Variants in WNT3A observed in about 807,000 individuals in gnomAD.
WNT3A encodes the protein protein Wnt-3a.
In WNT3A, 17 loss-of-function variants were observed where a neutral mutation model predicts 37.0. That is an observed-to-expected ratio of 0.46 (90% CI 0.31 to 0.69). The LOEUF is 0.69. WNT3A is among the 30% of genes least tolerant of loss of function. The probability of loss-of-function intolerance (pLI) is 0.05; values close to 1 mark genes in which losing one functional copy is unlikely to be tolerated. For synonymous variants in WNT3A, 187 were observed against 211.0 expected (o/e 0.89, Z 0.99); for missense variants, 411 against 510.2 (o/e 0.81, Z 1.87).
intron 1 of WNT3A, among the ~76,000 whole-genome samples, chr1:228,010,953 C>G (rs1052584664): frequency 6.6e-6 from 1 of 152,216 alleles, no homozygotes; most frequent in Non-Finnish European, 1.5e-5. Flanking sequence ...AAGAGCTCAG[C>G]CCCTCCTCCT....
rs755136054 is a variant in WNT3A, at chr1:228,050,224, TG to T, written c.314-428del. Among the ~76,000 whole-genome samples, 5 of 152,256 alleles carry T rather than the reference TG, an allele frequency of 3.3e-5. No individual in the cohort carries two copies. The highest frequency in any genetic ancestry group is 4.1e-4 in the South Asian group (2 of 4,820). On this transcript the variant is annotated intron_variant, in intron 2 of 3. Coordinates refer to ENST00000284523, the MANE Select transcript of WNT3A (RefSeq NM_033131.4). This position sits in a 1 kb window ranked among gnomAD's most constrained non-coding sequence, Gnocchi z 5.0. Reference sequence around the variant, plus strand: ...TTAATATTTTTAGTTTTTGTAGAGATGGGGTCTTGCTATGTTGAAAAGGCTG... The same window carrying T: ...TTAATATTTTTAGTTTTTGTAGAGATGGGTCTTGCTATGTTGAAAAGGCTG...
rs1219061838 is a variant in WNT3A at position 228,007,156 on chromosome 1, C to T, written c.28C>T (p.Leu10Phe). ...GGCCCCACTCGGATACTTCTTACTCCTCTGCAGCCTGAAGCAGGCTCTGGG... is the reference window on the plus strand; with the variant it reads ...GGCCCCACTCGGATACTTCTTACTCTTCTGCAGCCTGAAGCAGGCTCTGGG... Reference protein sequence around the residue: MAPLGYFLLLCSLKQALGSY... With the variant: MAPLGYFLLFCSLKQALGSY... Residue 10 changes from leucine (L) to phenylalanine (F), a missense_variant, in exon 1 of 4, where the codon CTC (leucine) becomes TTC (phenylalanine). Leu to Phe is a conservative substitution (Grantham distance 22). Coordinates refer to ENST00000284523, the MANE Select transcript of WNT3A (RefSeq NM_033131.4). This position sits in a 1 kb window ranked among gnomAD's most constrained non-coding sequence, Gnocchi z 6.0. 1.2e-6 allele frequency: 2 copies of T among 1,603,672 alleles called. No individual in the cohort carries two copies. Among genetic ancestry groups the T allele is most frequent in the Non-Finnish European group, 1.7e-6 (2 of 1,175,364 alleles).
At chr1:228,027,777 A>G (rs1369026315) in intron 2 of WNT3A, among the ~76,000 whole-genome samples, 1 of 152,120 alleles carries the variant, frequency 6.6e-6, no homozygotes, top group Non-Finnish European at 1.5e-5. Flanking sequence ...TTTTAATTCA[A>G]TTAGGTCCCA....
chr1:228,022,475 C>T (rs59553717), intron 1 of WNT3A, among the ~76,000 whole-genome samples, 192 bp from the exon 2 acceptor site: 5,792 of 152,324 alleles, frequency 0.038, 339 homozygotes, highest in African/African-American at 0.12. Context: ...TTAGAGGCCA[C>T]AGAGAATCCT....
intron 1 of WNT3A, among the ~76,000 whole-genome samples, chr1:228,009,033 G>A (rs985497671): frequency 3.9e-5 from 6 of 152,152 alleles, no homozygotes; most frequent in Admixed American, 6.5e-5. Context: ...GTCCAGGACA[G>A]CCCTTTGGCC....
Position 228,022,890 on chromosome 1 carries a change from G to C in WNT3A, c.295G>C (p.Gly99Arg). Residue 99 changes from glycine to arginine, a missense_variant, in exon 2 of 4, where the codon GGG (glycine) becomes CGG (arginine). By Grantham distance (125) the Gly-to-Arg change is moderately radical. Coordinates refer to ENST00000284523, the MANE Select transcript of WNT3A (RefSeq NM_033131.4). ...TTVHDSLAIF[G>R]PVLDKATRES... is the part of the protein sequence containing the mutation. ...CGTCCACGACAGCCTGGCCATCTTCGGGCCCGTGCTGGACAAAGGTATGGG... is the reference window on the plus strand; with the variant it reads ...CGTCCACGACAGCCTGGCCATCTTCCGGCCCGTGCTGGACAAAGGTATGGG... The C allele has an allele frequency of 1.9e-6, 3 of 1,610,858 alleles. No individual in the cohort carries two copies. Among genetic ancestry groups the C allele is most frequent in the Non-Finnish European group, 1.7e-6 (2 of 1,177,704 alleles).
At chr1:228,017,189 G>A (rs891886684) in intron 1 of WNT3A, among the ~76,000 whole-genome samples, 1 of 152,196 alleles carries the variant, frequency 6.6e-6, no homozygotes, top group African/African-American at 2.4e-5. Flanking sequence ...ACCTATCCAG[G>A]TCCTGTGGGT....
At position 228,034,823 on chromosome 1, in the gene WNT3A, C is replaced by T. The variant is rs2031096355; in HGVS notation, c.313+11915C>T. Among the ~76,000 whole-genome samples the T allele has an allele frequency of 2.0e-5, 3 of 152,216 alleles. No homozygotes were observed. The South Asian group carries it at 6.2e-4, about 32-fold the overall frequency. ...TTAAAGGTGCCTGATTTTCACAAGT[C>T]CCAGTCATTATCAATGGCTCCCACT... On this transcript the variant is annotated intron_variant, in intron 2 of 3. Transcript: ENST00000284523.
At chr1:228,025,197 C>T (rs558073805) in intron 2 of WNT3A, among the ~76,000 whole-genome samples, 1 of 150,108 alleles carries the variant, frequency 6.7e-6, no homozygotes, top group Admixed American at 6.6e-5. Flanking sequence ...TCCATTTGTG[C>T]AAAAAAAAAT....
In WNT3A at chr1:228,007,104, G is replaced by A. The variant is rs2030216736; in HGVS notation, c.-25G>A. 5 of 1,547,060 alleles carry A rather than the reference G, an allele frequency of 3.2e-6. No homozygotes were observed. Among genetic ancestry groups the A allele is most frequent in the Non-Finnish European group, 4.4e-6 (5 of 1,148,784 alleles). On this transcript the variant is annotated 5_prime_UTR_variant, in exon 1 of 4. Transcript: ENST00000284523. This position sits in a 1 kb window ranked among gnomAD's most constrained non-coding sequence, Gnocchi z 6.0. Reference sequence around the variant, plus strand: ...CTCACGCTCTCGGGGCGGACTCCCGGCCCTCCGCGCCCTCTCGCGCGGCGA... The same window carrying A: ...CTCACGCTCTCGGGGCGGACTCCCGACCCTCCGCGCCCTCTCGCGCGGCGA...
At chr1:228,012,028 T>G (rs1571790754) in intron 1 of WNT3A, among the ~76,000 whole-genome samples, 1 of 152,264 alleles carries the variant, frequency 6.6e-6, no homozygotes, top group East Asian at 1.9e-4. Flanking sequence ...GCTGCCCCTC[T>G]GACTCACGGG....
In WNT3A at chr1:228,046,792, G is replaced by A. The variant is rs190038121; in HGVS notation, c.314-3864G>A. ...GGTGTGCATGTGTGTGCATGCGTGTGATGTGTGCATGTGTGTGGTGTGCAT... is the reference window on the plus strand; with the variant it reads ...GGTGTGCATGTGTGTGCATGCGTGTAATGTGTGCATGTGTGTGGTGTGCAT... On this transcript the variant is annotated intron_variant, in intron 2 of 3. Transcript: ENST00000284523. Among the ~76,000 whole-genome samples the A allele has an allele frequency of 5.4e-5, 8 of 148,986 alleles. No individual in the cohort carries two copies. In the East Asian group the frequency reaches 1.4e-3, roughly 26 times the overall value.
In WNT3A at chr1:228,039,032, C is replaced by A. The variant is rs1371841428; in HGVS notation, c.314-11624C>A. Among the ~76,000 whole-genome samples, 1 of 152,128 alleles carries A rather than the reference C, an allele frequency of 6.6e-6. No homozygotes were observed. Among genetic ancestry groups the A allele is most frequent in the Admixed American group, 6.5e-5 (1 of 15,276 alleles). On this transcript the variant is annotated intron_variant, in intron 2 of 3. Coordinates refer to ENST00000284523, the MANE Select transcript of WNT3A (RefSeq NM_033131.4). The surrounding 1 kb of genome is among the most constrained non-coding windows in gnomAD (Gnocchi z 4.1). Reference sequence around the variant, plus strand: ...GTTGGGAGTCTGGGCCCCCAGCACCCGGCTGGACTGGCCACCATGGAGTCC... The same window carrying A: ...GTTGGGAGTCTGGGCCCCCAGCACCAGGCTGGACTGGCCACCATGGAGTCC...
chr1:228,051,600 C>T (rs73092904), intron 3 of WNT3A, among the ~76,000 whole-genome samples: 24,547 of 152,118 alleles, frequency 0.16, 2,469 homozygotes, highest in East Asian at 0.21. Flanking sequence ...GGGCCTGCTC[C>T]TCATGGATGA....
intron 3 of WNT3A, 86 bp downstream of exon 3, chr1:228,051,007 G>A (rs760751110): frequency 1.1e-4 from 151 of 1,421,120 alleles, no homozygotes; most frequent in Non-Finnish European, 1.3e-4. Flanking sequence ...CATATGGCCC[G>A]GTGAGGCAGG....
At chr1:228,040,736 A>T (rs1011973668) in intron 2 of WNT3A, among the ~76,000 whole-genome samples, 1 of 151,748 alleles carries the variant, frequency 6.6e-6, no homozygotes, top group Non-Finnish European at 1.5e-5. Flanking sequence ...ACAAAAAAAA[A>T]TTACCTGGGC....
chr1:228,053,932 T>C (rs924536322), intron 3 of WNT3A, among the ~76,000 whole-genome samples: 3 of 152,188 alleles, frequency 2.0e-5, no homozygotes, highest in African/African-American at 7.2e-5. Context: ...TAACTGACCA[T>C]CTAGTGAGGA....
At position 228,060,447 on chromosome 1, in the gene WNT3A, T is replaced by G; in HGVS notation, c.*982T>G. 1 of 523,342 alleles carries G rather than the reference T, an allele frequency of 1.9e-6. No individual in the cohort carries two copies. Among genetic ancestry groups the G allele is most frequent in the Non-Finnish European group, 3.0e-6 (1 of 328,846 alleles). The allele number at this position is 523,342 out of a possible 1,614,324, so 32.4% of individuals were successfully genotyped here. A position where few individuals can be genotyped will look rare whatever the true frequency, so the allele number is the denominator to read the frequency against. ...TGACCACCCACCTGACCAGGGGCCCTACCTGGGGAAAGCCTGAAGGGCCTC... is the reference window on the plus strand; with the variant it reads ...TGACCACCCACCTGACCAGGGGCCCGACCTGGGGAAAGCCTGAAGGGCCTC... On this transcript the variant is annotated 3_prime_UTR_variant, in exon 4 of 4. Coordinates refer to ENST00000284523, the MANE Select transcript of WNT3A (RefSeq NM_033131.4).
At chr1:228,016,193 C>G (rs548224130) in intron 1 of WNT3A, among the ~76,000 whole-genome samples, 1 of 152,238 alleles carries the variant, frequency 6.6e-6, no homozygotes, top group East Asian at 1.9e-4. Flanking sequence ...CCCAAGGGAG[C>G]CCCCAAGGAC....
Sources: gnomAD v4.1 joint callset for allele counts (sites outside exome capture counted in the v4.1 genomes callset) on GRCh38, gnomAD v4.1.1 for gene constraint, Gnocchi (gnomAD v3.1) non-coding constraint, MANE v1.5 for transcripts, NCBI Gene and HGNC (gene_info 2026-07-23, HGNC 2026-07-21) for gene names.